Variants in MLLT10 observed in about 807,000 individuals in gnomAD.
MLLT10 encodes MLLT10 histone lysine methyltransferase DOT1L cofactor.
A neutral mutation model predicts 129.1 loss-of-function variants in MLLT10; 30 were observed. The ratio of observed to expected loss-of-function variants is 0.23; its 90% confidence interval spans 0.17 to 0.32. The LOEUF (loss-of-function observed/expected upper bound fraction) is 0.32. Among genes scored for constraint, MLLT10 ranks in the 10% least tolerant of loss-of-function variants. MLLT10 has a pLI of 1.00. For synonymous variants in MLLT10, 490 were observed against 446.4 expected (o/e 1.10, Z -1.23); for missense variants, 1,119 against 1,268.3 (o/e 0.88, Z 1.79).
At chr10:21,735,271 C>A in intron 21 of MLLT10, 36 bp downstream of exon 21, 1 of 1,447,058 alleles carries the variant, frequency 6.9e-7, no homozygotes, top group Non-Finnish European at 9.7e-7. Context: ...TTATTAGGAG[C>A]ATGTGTTCTA....
Position 21,681,318 on chromosome 10 carries a change from C to T in MLLT10, c.1622-14C>T. The T allele has an allele frequency of 1.9e-6, 3 of 1,611,050 alleles. No individual in the cohort carries two copies. The highest frequency in any genetic ancestry group is 2.5e-6 in the Non-Finnish European group (3 of 1,179,270). On this transcript the variant is annotated splice_polypyrimidine_tract_variant and intron_variant, in intron 11 of 22. Coordinates refer to ENST00000307729, the MANE Select transcript of MLLT10 (RefSeq NM_001195626.3). ...AATTTCTTCACTGATTTCCTTTTTC[C>T]TTCCTCTCAACAGAAATTTCCATGC...
intron 13 of MLLT10, among the ~76,000 whole-genome samples, chr10:21,710,058 T>C (rs1275295832): frequency 6.6e-6 from 1 of 152,248 alleles, no homozygotes; most frequent in East Asian, 1.9e-4. Context: ...TTTGAAATTC[T>C]TAGAGCAGTT....
intron 13 of MLLT10, chr10:21,688,419 A>C: frequency 7.7e-7 from 1 of 1,298,442 alleles, no homozygotes; most frequent in East Asian, 2.3e-5. Flanking sequence ...TCAGTTTTTC[A>C]ACTTGTCTGT....
intron 3 of MLLT10, among the ~76,000 whole-genome samples, chr10:21,552,294 C>T (rs1193973629): frequency 6.6e-6 from 1 of 151,190 alleles, no homozygotes; most frequent in Non-Finnish European, 1.5e-5. Context: ...TTATTTTTTT[C>T]CTCTGTGATT....
chr10:21,665,439 C>A (rs571333151), intron 9 of MLLT10, among the ~76,000 whole-genome samples: 2 of 151,828 alleles, frequency 1.3e-5, no homozygotes, highest in South Asian at 2.1e-4. Context: ...CAGGTATGTG[C>A]CACCACGCCC....
chr10:21,710,875 A>G (rs895988965), intron 13 of MLLT10, among the ~76,000 whole-genome samples: 1 of 152,252 alleles, frequency 6.6e-6, no homozygotes, highest in Non-Finnish European at 1.5e-5. Flanking sequence ...ACTTCCGTAC[A>G]GTAACCAAAC....
At chr10:21,686,141 A>G (rs2053267716) in intron 13 of MLLT10, among the ~76,000 whole-genome samples, 1 of 152,208 alleles carries the variant, frequency 6.6e-6, no homozygotes, top group African/African-American at 2.4e-5. Flanking sequence ...AATTAAACTT[A>G]CAATTTATTA....
chr10:21,700,943 G>A (rs1353851540), intron 13 of MLLT10, among the ~76,000 whole-genome samples: 1 of 152,118 alleles, frequency 6.6e-6, no homozygotes, highest in East Asian at 1.9e-4. Flanking sequence ...ATTCAGCATT[G>A]AATCTATCCA....
chr10:21,562,853 C>G (rs570460998), intron 3 of MLLT10, among the ~76,000 whole-genome samples: 32 of 85,670 alleles, frequency 3.7e-4, no homozygotes, highest in African/African-American at 1.6e-3. Flanking sequence ...CAGTTTCACT[C>G]TTGTTGCCCA....
chr10:21,676,747 AAAAAAAAAAT>A (rs2052193519), intron 11 of MLLT10, among the ~76,000 whole-genome samples: 1 of 150,142 alleles, frequency 6.7e-6, no homozygotes, highest in African/African-American at 2.4e-5. Context: ...AAAAAAAAAA[AAAAAAAAAAT>A]TACTCTGAAG....
intron 4 of MLLT10, among the ~76,000 whole-genome samples, chr10:21,594,458 A>G (rs868054652): frequency 6.6e-6 from 1 of 151,760 alleles, no homozygotes; most frequent in Middle Eastern, 3.4e-3. Context: ...TTGTATTGTA[A>G]AAGAGAATTG....
rs572728085 is a variant in MLLT10 at position 21,733,699 on chromosome 10, A to G, written c.2497-69A>G. Reference sequence around the variant, plus strand: ...CAGTTTTGCAGTGTTCTTTAAACTTAGTTTCTCTTCTTTCTTACGCTGGGA... The same window carrying G: ...CAGTTTTGCAGTGTTCTTTAAACTTGGTTTCTCTTCTTTCTTACGCTGGGA... On this transcript the variant is annotated intron_variant, in intron 19 of 22. Transcript: ENST00000307729. The G allele has an allele frequency of 2.0e-6, 3 of 1,526,168 alleles. No homozygotes were observed. In the South Asian group the frequency reaches 4.0e-5, roughly 20 times the overall value. 94.5% of individuals were successfully genotyped at this position (1,526,168 alleles called of 1,614,324 possible).
At chr10:21,726,576 A>G (rs1283097865) in intron 15 of MLLT10, among the ~76,000 whole-genome samples, 1 of 152,082 alleles carries the variant, frequency 6.6e-6, no homozygotes, top group East Asian at 1.9e-4. Context: ...ATATCATAAC[A>G]TCAATTTGTA....
At chr10:21,597,082 G>A (rs967208894) in intron 5 of MLLT10, among the ~76,000 whole-genome samples, 2 of 151,580 alleles carry the variant, frequency 1.3e-5, no homozygotes, top group Non-Finnish European at 2.9e-5. Flanking sequence ...AATTTTAAAA[G>A]CATTAAAACT....
At chr10:21,630,008 G>C (rs2046852766) in intron 8 of MLLT10, among the ~76,000 whole-genome samples, 1 of 152,158 alleles carries the variant, frequency 6.6e-6, no homozygotes, top group Non-Finnish European at 1.5e-5. Context: ...AGACAAAAGG[G>C]AGGAGGCAGG....
intron 9 of MLLT10, among the ~76,000 whole-genome samples, chr10:21,667,148 A>G (rs2050886884): frequency 6.6e-6 from 1 of 152,078 alleles, no homozygotes; most frequent in Non-Finnish European, 1.5e-5. Flanking sequence ...CCTGTTTTCT[A>G]GATCGAATGT....
chr10:21,670,179 T>G (rs1564616932), intron 9 of MLLT10, among the ~76,000 whole-genome samples: 1 of 152,196 alleles, frequency 6.6e-6, no homozygotes, highest in Admixed American at 6.5e-5. Context: ...TAAATATAAC[T>G]AATACATACT....
intron 3 of MLLT10, chr10:21,557,276 G>C (rs1564405502): frequency 1.4e-6 from 1 of 736,478 alleles, no homozygotes; most frequent in Non-Finnish European, 1.7e-6. Flanking sequence ...ATCTGTATTT[G>C]ATATAACACT....
chr10:21,551,717 G>C, intron 3 of MLLT10: 1 of 353,122 alleles, frequency 2.8e-6, no homozygotes, highest in South Asian at 2.2e-5. Context: ...AAATTGCCTA[G>C]CATATGGTAT....
Sources: allele counts gnomAD v4.1 joint callset (sites outside exome capture counted in the v4.1 genomes callset), GRCh38; gene constraint gnomAD v4.1.1; transcripts MANE v1.5; gene names NCBI Gene and HGNC (gene_info 2026-07-23, HGNC 2026-07-21).